Variants in ANKS1B observed in about 807,000 individuals in gnomAD.
ANKS1B encodes ankyrin repeat and sterile alpha motif domain-containing protein 1B.
Under a neutral mutation model 148.3 loss-of-function variants are expected in ANKS1B, and 36 were observed. The observed-to-expected ratio is 0.24, with a 90% confidence interval of 0.19 to 0.32. The LOEUF (loss-of-function observed/expected upper bound fraction) is 0.32, where lower values mean the gene tolerates loss of function less well. Ranked by LOEUF, ANKS1B falls within the 10% of genes least tolerant of loss-of-function variation. ANKS1B has a pLI of 1.00. For synonymous variants in ANKS1B, 542 were observed against 560.8 expected (o/e 0.97, Z 0.47); for missense variants, 1,157 against 1,542.6 (o/e 0.75, Z 4.19).
At chr12:99,903,357 C>T (rs2093666658) in intron 1 of ANKS1B, among the ~76,000 whole-genome samples, 1 of 152,142 alleles carries the variant, frequency 6.6e-6, no homozygotes, top group Non-Finnish European at 1.5e-5. Flanking sequence ...GATTTTCAAA[C>T]TAGAAGCTGA....
At chr12:99,962,954 C>T (rs2095435575) in intron 1 of ANKS1B, among the ~76,000 whole-genome samples, 1 of 152,084 alleles carries the variant, frequency 6.6e-6, no homozygotes, top group African/African-American at 2.4e-5. Flanking sequence ...GCTGGGACTA[C>T]AGGCGCCCAC....
At chr12:99,112,439 T>C (rs1313231759) in intron 15 of ANKS1B, among the ~76,000 whole-genome samples, 2 of 151,836 alleles carry the variant, frequency 1.3e-5, no homozygotes, top group Non-Finnish European at 2.9e-5. Flanking sequence ...GATGCACAAA[T>C]AGATGCTTAT....
chr12:99,220,039 G>A (rs1238259131), intron 14 of ANKS1B, among the ~76,000 whole-genome samples: 5 of 152,114 alleles, frequency 3.3e-5, no homozygotes, highest in African/African-American at 1.2e-4. Context: ...TTGCTCTGTC[G>A]CCCAGGTTGG....
At chr12:98,852,751 C>G (rs939344223) in intron 17 of ANKS1B, among the ~76,000 whole-genome samples, 2 of 152,088 alleles carry the variant, frequency 1.3e-5, no homozygotes, top group African/African-American at 4.8e-5. Flanking sequence ...GAGCTTTTTC[C>G]CCCCCTCCAT....
At chr12:98,985,984 T>C (rs1459041513) in intron 17 of ANKS1B, among the ~76,000 whole-genome samples, 1 of 152,210 alleles carries the variant, frequency 6.6e-6, no homozygotes, top group African/African-American at 2.4e-5. Flanking sequence ...AGCTCTGAGA[T>C]ATTTTTTGCT....
At chr12:98,971,973 G>C (rs1275298120) in intron 17 of ANKS1B, among the ~76,000 whole-genome samples, 1 of 152,102 alleles carries the variant, frequency 6.6e-6, no homozygotes, top group East Asian at 1.9e-4. Flanking sequence ...TTCAAGACTA[G>C]CCTGGCCAAC....
rs990422155 is a variant in ANKS1B at position 99,951,713 on chromosome 12, G to A, written c.134+32391C>T. On this transcript the variant is annotated intron_variant, in intron 1 of 26. Transcript: ENST00000683438. Reference sequence around the variant, plus strand: ...AACATAGCAAGACCTTGCCTCTACCGAAAAAAAAAAAAAAATTAAAATTAG... The same window carrying A: ...AACATAGCAAGACCTTGCCTCTACCAAAAAAAAAAAAAAAATTAAAATTAG... Among the ~76,000 whole-genome samples the A allele has an allele frequency of 7.3e-4, 105 of 144,058 alleles. No homozygotes were observed. In the East Asian group the frequency reaches 9.0e-3, roughly 12 times the overall value. 94.5% of individuals were successfully genotyped at this position (144,058 alleles called of 152,430 possible). A position where few individuals can be genotyped will look rare whatever the true frequency, so the allele number is the denominator to read the frequency against.
rs1368492665 is a variant in ANKS1B at position 99,627,300 on chromosome 12, T to C, written c.1272+27767A>G. Among the ~76,000 whole-genome samples the C allele has an allele frequency of 2.6e-5, 4 of 152,216 alleles. No homozygotes were observed. In the East Asian group the frequency reaches 5.8e-4, roughly 22 times the overall value. On this transcript the variant is annotated intron_variant, in intron 9 of 26. Transcript: ENST00000683438. Reference sequence around the variant, plus strand: ...AGTCATTATTAGAACATTTACATGATAGAGTAGTAATTAAAACAAAAAGAG... The same window carrying C: ...AGTCATTATTAGAACATTTACATGACAGAGTAGTAATTAAAACAAAAAGAG...
intron 8 of ANKS1B, among the ~76,000 whole-genome samples, chr12:99,685,159 A>C (rs1047642416): frequency 6.6e-6 from 1 of 151,922 alleles, no homozygotes; most frequent in Admixed American, 6.6e-5. Flanking sequence ...GGAGAAAATC[A>C]TCACAAACTA....
chr12:99,457,286 A>G (rs2095862720), intron 10 of ANKS1B, among the ~76,000 whole-genome samples: 1 of 152,072 alleles, frequency 6.6e-6, no homozygotes, highest in Admixed American at 6.6e-5. Context: ...TAAATCTTGA[A>G]ACAAATCCTC....
intron 8 of ANKS1B, among the ~76,000 whole-genome samples, chr12:99,722,924 G>T (rs1267696497): frequency 1.3e-5 from 2 of 152,164 alleles, no homozygotes; most frequent in African/African-American, 2.4e-5. Context: ...GCCACACAGG[G>T]CAGGTGGGTC....
At chr12:99,717,447 C>G (rs1489061860) in intron 8 of ANKS1B, among the ~76,000 whole-genome samples, 1 of 152,218 alleles carries the variant, frequency 6.6e-6, no homozygotes, top group Admixed American at 6.5e-5. Flanking sequence ...CCCGCCTCCC[C>G]CAGGAGCTTG....
intron 26 of ANKS1B, among the ~76,000 whole-genome samples, chr12:98,749,850 T>C (rs1448051339): frequency 6.6e-6 from 1 of 151,666 alleles, no homozygotes; most frequent in African/African-American, 2.4e-5. Context: ...GGAAGAGAGA[T>C]GGAGGAAGTG....
intron 8 of ANKS1B, among the ~76,000 whole-genome samples, chr12:99,741,926 AAAG>A (rs1442401563): frequency 6.6e-6 from 1 of 152,130 alleles, no homozygotes; most frequent in African/African-American, 2.4e-5. Context: ...AATTTAAAAA[AAAG>A]AATAAGATCA....
intron 17 of ANKS1B, among the ~76,000 whole-genome samples, chr12:98,859,479 T>C (rs1341475462): frequency 6.6e-6 from 1 of 152,216 alleles, no homozygotes; most frequent in Non-Finnish European, 1.5e-5. Context: ...TAAGCCATTA[T>C]GAACAGTTTA....
At chr12:99,061,349 T>A (rs1414234623) in intron 16 of ANKS1B, among the ~76,000 whole-genome samples, 1 of 152,232 alleles carries the variant, frequency 6.6e-6, no homozygotes, top group East Asian at 1.9e-4. Context: ...AACAATACCC[T>A]GGAGTCTGGG....
intron 1 of ANKS1B, among the ~76,000 whole-genome samples, chr12:99,829,446 C>T (rs189943319): frequency 2.8e-4 from 42 of 152,140 alleles, no homozygotes; most frequent in Non-Finnish European, 4.7e-4. Context: ...GTCAGGAGAT[C>T]GAGACCATCC....
At chr12:99,624,394 G>A (rs997674841) in intron 9 of ANKS1B, among the ~76,000 whole-genome samples, 16 of 151,802 alleles carry the variant, frequency 1.1e-4, no homozygotes, top group Non-Finnish European at 2.4e-4. Context: ...AAAAACAAAA[G>A]TTGACAATTG....
intron 12 of ANKS1B, among the ~76,000 whole-genome samples, chr12:99,367,037 G>T (rs764716746): frequency 1.1e-4 from 17 of 151,976 alleles, no homozygotes; most frequent in African/African-American, 4.1e-4. Context: ...CAGGGCATTC[G>T]GCAGTACTTT....
Sources: gnomAD v4.1 joint callset for allele counts (sites outside exome capture counted in the v4.1 genomes callset) on GRCh38, gnomAD v4.1.1 for gene constraint, MANE v1.5 for transcripts, NCBI Gene and HGNC (gene_info 2026-07-23, HGNC 2026-07-21) for gene names.